Variants in LRP1B observed in about 807,000 individuals in gnomAD.
LRP1B encodes the protein LDL receptor related protein 1B.
Under a neutral mutation model 556.6 loss-of-function variants are expected in LRP1B, and 217 were observed. That is an observed-to-expected ratio of 0.39 (90% CI 0.35 to 0.44). The LOEUF is 0.44. Among genes scored for constraint, LRP1B ranks in the 20% least tolerant of loss-of-function variants. The probability of loss-of-function intolerance (pLI) is 1.00; values close to 1 mark genes in which losing one functional copy is unlikely to be tolerated. For missense variants in LRP1B, 5,053 were observed against 5,620.8 expected, an observed-to-expected ratio of 0.90 and a Z score of 3.23; for synonymous variants, 2,047 against 1,865.8, an observed-to-expected ratio of 1.10 and a Z score of -2.50.
intron 82 of LRP1B, among the ~76,000 whole-genome samples, chr2:140,315,557 G>T (rs1041879993): frequency 6.6e-6 from 1 of 151,982 alleles, no homozygotes; most frequent in South Asian, 2.1e-4. Context: ...GGACTATATT[G>T]TGCACCACCA....
intron 2 of LRP1B, among the ~76,000 whole-genome samples, chr2:141,658,603 C>T (rs958923006): frequency 3.9e-5 from 6 of 152,312 alleles, no homozygotes; most frequent in South Asian, 2.1e-4. Flanking sequence ...ACAACTCCCG[C>T]TGCATGAGAA....
Position 140,335,851 on chromosome 2 carries a change from A to G in LRP1B, c.11893-13T>C. On this transcript the variant is annotated splice_polypyrimidine_tract_variant and intron_variant, in intron 77 of 90. Transcript: ENST00000389484. ...TAAATTCAGGACACTACAAGGAAAC[A>G]AAACAACACACCACGGTATTTTCAA... 2 of 1,495,944 alleles carry G rather than the reference A, an allele frequency of 1.3e-6. No homozygotes were observed. Among genetic ancestry groups the G allele is most frequent in the Non-Finnish European group, 1.9e-6 (2 of 1,074,248 alleles). 92.7% of individuals were successfully genotyped at this position (1,495,944 alleles called of 1,614,324 possible). A position where few individuals can be genotyped will look rare whatever the true frequency, so the allele number is the denominator to read the frequency against.
intron 14 of LRP1B, among the ~76,000 whole-genome samples, chr2:141,008,555 T>A (rs1314722094): frequency 6.6e-6 from 1 of 151,782 alleles, no homozygotes; most frequent in African/African-American, 2.4e-5. Flanking sequence ...AAAAGTCTAT[T>A]ACTTTCAGGA....
At chr2:141,907,423 A>AT (rs1235628220) in intron 1 of LRP1B, among the ~76,000 whole-genome samples, 8 of 151,978 alleles carry the variant, frequency 5.3e-5, no homozygotes, top group African/African-American at 1.9e-4. Flanking sequence ...TCAGATTTCT[A>AT]TATCGCTTTC....
At chr2:142,056,813 C>T (rs1200635089) in intron 1 of LRP1B, among the ~76,000 whole-genome samples, 1 of 150,988 alleles carries the variant, frequency 6.6e-6, no homozygotes, top group African/African-American at 2.4e-5. Flanking sequence ...TGTGTATTTT[C>T]CTTCCTCCTT....
rs1298306043 is a variant in LRP1B, at chr2:140,921,167, A to G, written c.3319+1798T>C. On this transcript the variant is annotated intron_variant, in intron 21 of 90. Coordinates refer to ENST00000389484, the MANE Select transcript of LRP1B (RefSeq NM_018557.3). ...TTCAAACTAGTTTTTATTAATACAT[A>G]GCTTTGAGAATTTACATTACTGTGA... Among the ~76,000 whole-genome samples, 7 of 152,022 alleles carry G rather than the reference A, an allele frequency of 4.6e-5. No homozygotes were observed. In the South Asian group the frequency reaches 1.2e-3, roughly 27 times the overall value.
chr2:141,946,139 A>G (rs1700949023), intron 1 of LRP1B, among the ~76,000 whole-genome samples: 1 of 151,830 alleles, frequency 6.6e-6, no homozygotes, highest in Admixed American at 6.6e-5. Flanking sequence ...TTCCTACCCA[A>G]TTCTCTTATC....
At chr2:140,781,175 T>C (rs1689685722) in intron 32 of LRP1B, among the ~76,000 whole-genome samples, 1 of 152,132 alleles carries the variant, frequency 6.6e-6, no homozygotes, top group African/African-American at 2.4e-5. Context: ...TTGAAGACCA[T>C]GACCAAAGGA....
At position 141,735,060 on chromosome 2, in the gene LRP1B, T is replaced by C. The variant is rs190668643; in HGVS notation, c.205+75219A>G. Among the ~76,000 whole-genome samples the C allele has an allele frequency of 6.5e-4, 99 of 152,224 alleles. 1 individual carries two copies. The highest frequency in any genetic ancestry group is 2.3e-3 in the African/African-American group (94 of 41,540). ...CTAATCCTACTCCAGCTATATACCA[T>C]TGTAAGTAGGAAGAGTTTGTCCTTG... is the stretch of plus-strand genomic sequence containing the variant. On this transcript the variant is annotated intron_variant, in intron 2 of 90. Coordinates refer to ENST00000389484, the MANE Select transcript of LRP1B (RefSeq NM_018557.3).
intron 14 of LRP1B, 103 bp downstream of exon 14, chr2:141,013,453 T>C (rs900418394): frequency 1.5e-5 from 14 of 920,206 alleles, no homozygotes; most frequent in Non-Finnish European, 2.2e-5. Flanking sequence ...TGACATCTTT[T>C]ATCATAAAAC....
intron 2 of LRP1B, among the ~76,000 whole-genome samples, chr2:141,803,228 T>C (rs989884395): frequency 6.6e-6 from 1 of 151,456 alleles, no homozygotes; most frequent in Non-Finnish European, 1.5e-5. Context: ...TTTTTTTTTT[T>C]TAATTGTAGA....
chr2:141,661,878 ATCAATTTC>A (rs1322067610), intron 2 of LRP1B, among the ~76,000 whole-genome samples: 1 of 152,168 alleles, frequency 6.6e-6, no homozygotes, highest in Non-Finnish European at 1.5e-5. Flanking sequence ...ACACATAATC[ATCAATTTC>A]TCCAAGATTG....
At chr2:141,106,088 A>G (rs966580682) in intron 7 of LRP1B, among the ~76,000 whole-genome samples, 2 of 152,168 alleles carry the variant, frequency 1.3e-5, no homozygotes, top group East Asian at 3.9e-4. Context: ...AAAAAAATAA[A>G]ACTCATGATT....
chr2:140,631,868 A>T (rs1230015467), intron 41 of LRP1B, among the ~76,000 whole-genome samples: 1 of 152,218 alleles, frequency 6.6e-6, no homozygotes, highest in Non-Finnish European at 1.5e-5. Context: ...GTAGGCAACC[A>T]AATAAAAAGA....
chr2:141,956,322 C>A (rs1480107513), intron 1 of LRP1B, among the ~76,000 whole-genome samples: 1 of 152,030 alleles, frequency 6.6e-6, no homozygotes, highest in Non-Finnish European at 1.5e-5. Context: ...GGTTTTAACT[C>A]ATATTTATTT....
chr2:140,439,505 C>T (rs1686332747), intron 66 of LRP1B, among the ~76,000 whole-genome samples: 1 of 152,058 alleles, frequency 6.6e-6, no homozygotes, highest in Admixed American at 6.6e-5. Flanking sequence ...TAAATCTTTA[C>T]ATACACAAAA....
chr2:141,602,889 G>T (rs1687798410), intron 2 of LRP1B, among the ~76,000 whole-genome samples: 1 of 152,136 alleles, frequency 6.6e-6, no homozygotes, highest in Non-Finnish European at 1.5e-5. Flanking sequence ...ACCTGTTTTT[G>T]TGTATAAAAT....
chr2:141,319,295 C>T (rs1219379820), intron 3 of LRP1B, among the ~76,000 whole-genome samples: 2 of 132,390 alleles, frequency 1.5e-5, no homozygotes, highest in Non-Finnish European at 3.0e-5. Flanking sequence ...CTCTAAAAAG[C>T]AGTGTTTTTT....
intron 22 of LRP1B, among the ~76,000 whole-genome samples, chr2:140,903,948 A>G (rs1370986487): frequency 1.3e-5 from 2 of 152,050 alleles, no homozygotes; most frequent in Non-Finnish European, 2.9e-5. Context: ...ATATGATTAC[A>G]TATATAATGT....
Sources: gnomAD v4.1 joint callset for allele counts (sites outside exome capture counted in the v4.1 genomes callset) on GRCh38, gnomAD v4.1.1 for gene constraint, MANE v1.5 for transcripts, NCBI Gene and HGNC (gene_info 2026-07-23, HGNC 2026-07-21) for gene names.